The following PPP4R3A variants were observed in gnomAD, a reference collection of about 807,000 sequenced individuals.
PPP4R3A encodes the protein serine/threonine-protein phosphatase 4 regulatory subunit 3A.
PPP4R3A carries 15 observed loss-of-function variants against 91.7 expected under a neutral mutation model. The ratio of observed to expected loss-of-function variants is 0.16; its 90% confidence interval spans 0.11 to 0.25. The LOEUF is 0.25. Ranked by LOEUF, PPP4R3A falls within the 10% of genes least tolerant of loss-of-function variation. PPP4R3A has a pLI of 1.00. For missense variants in PPP4R3A, 623 were observed against 998.4 expected (o/e 0.62, Z 5.07); for synonymous variants, 377 against 348.7 (o/e 1.08, Z -0.91).
chr14:91,466,357 A>G (rs1364027745), intron 10 of PPP4R3A: 1 of 985,754 alleles, frequency 1.0e-6, no homozygotes, highest in Non-Finnish European at 1.2e-6. Flanking sequence ...TAAATTGCCA[A>G]TTTGCTATTA....
At chr14:91,461,126 G>C (rs913659834) in intron 14 of PPP4R3A, among the ~76,000 whole-genome samples, 1 of 152,092 alleles carries the variant, frequency 6.6e-6, no homozygotes, top group Non-Finnish European at 1.5e-5. Flanking sequence ...ATACAAATTT[G>C]AAGTTTCAGT....
At chr14:91,464,860 A>G (rs1468548160) in intron 11 of PPP4R3A, among the ~76,000 whole-genome samples, 1 of 152,216 alleles carries the variant, frequency 6.6e-6, no homozygotes. Flanking sequence ...GGGGGAGCAC[A>G]GTTTCAGGAT....
rs1306881341 is a variant in PPP4R3A, at chr14:91,509,962, C to T, written c.-315G>A. 3.0e-6 allele frequency: 3 copies of T among 1,013,006 alleles called. No individual in the cohort carries two copies. The highest frequency in any genetic ancestry group is 3.5e-6 in the Non-Finnish European group (3 of 847,950). 62.8% of individuals were successfully genotyped at this position (1,013,006 alleles called of 1,614,324 possible). ...GCCCCGCAGCGCTAGGAACTCGGGG[C>T]TCCCGTCACTGCCCTGCTCCCGCCT... On this transcript the variant is annotated 5_prime_UTR_variant, in exon 1 of 15. Transcript: ENST00000554943.
intron 1 of PPP4R3A, among the ~76,000 whole-genome samples, chr14:91,493,538 A>C (rs1890355948): frequency 6.7e-6 from 1 of 150,138 alleles, no homozygotes; most frequent in Admixed American, 6.6e-5. Context: ...TCATGCCTGT[A>C]ATCCCAGCAC....
chr14:91,510,411 CGGAGGCG>C (rs879394644), upstream of PPP4R3A: 1 of 152,736 alleles, frequency 6.5e-6, no homozygotes, highest in South Asian at 2.1e-4. Flanking sequence ...AGGCTTCCGA[CGGAGGCG>C]GGAGGCGGGC....
At chr14:91,507,465 AT>A (rs1232716688) in intron 1 of PPP4R3A, among the ~76,000 whole-genome samples, 9 of 132,320 alleles carry the variant, frequency 6.8e-5, no homozygotes, top group Admixed American at 5.5e-4. Context: ...ATATACTATA[AT>A]TATATATACT....
chr14:91,501,368 G>A (rs1231122228), intron 1 of PPP4R3A, among the ~76,000 whole-genome samples: 1 of 152,138 alleles, frequency 6.6e-6, no homozygotes, highest in Non-Finnish European at 1.5e-5. Flanking sequence ...AGAGTATATT[G>A]TCCTTATCAA....
At position 91,465,370 on chromosome 14, in the gene PPP4R3A, G is replaced by A. The variant is rs772415584; in HGVS notation, c.1710C>T (p.Tyr570=). The change falls in exon 11 of 15, where the codon TAC becomes TAT. Residue 570 remains tyrosine, a synonymous_variant. Transcript: ENST00000554943. ...RKIIGLKDEF[Y]NRYIMKSFLF... is the part of the protein sequence containing the mutation. ...AAAAACTTTTCATTATGTAGCGGTT[G>A]TAAAACTCATCTTTTAATCCAATAA... is the stretch of plus-strand genomic sequence containing the variant. 4.4e-6 allele frequency: 7 copies of A among 1,602,996 alleles called. No homozygotes were observed. Among genetic ancestry groups the A allele is most frequent in the Admixed American group, 1.8e-5 (1 of 56,488 alleles).
At chr14:91,482,219 C>CA (rs1595068125) in intron 3 of PPP4R3A, 26 bp from the exon 4 acceptor site, 3 of 1,559,224 alleles carry the variant, frequency 1.9e-6, no homozygotes, top group Non-Finnish European at 2.6e-6. Context: ...TAATTGCTGA[C>CA]AAAATAGATA....
At chr14:91,460,249 G>A (rs1378828908) in intron 14 of PPP4R3A, among the ~76,000 whole-genome samples, 2 of 151,982 alleles carry the variant, frequency 1.3e-5, no homozygotes, top group Admixed American at 6.6e-5. Flanking sequence ...TCCTGACCTC[G>A]TGACCCACCC....
chr14:91,495,215 A>G (rs923298383), intron 1 of PPP4R3A, among the ~76,000 whole-genome samples: 1 of 152,220 alleles, frequency 6.6e-6, no homozygotes, highest in Non-Finnish European at 1.5e-5. Context: ...GAGTAATGAA[A>G]ACCTAACACA....
chr14:91,492,886 T>C (rs1019720986), intron 1 of PPP4R3A, among the ~76,000 whole-genome samples: 20 of 152,232 alleles, frequency 1.3e-4, no homozygotes, highest in African/African-American at 4.1e-4. Context: ...TTCAGGATTT[T>C]ATTTTGGTTA....
chr14:91,509,749 G>C lies in PPP4R3A; in HGVS notation c.-102C>G, dbSNP rs918668776. 7.3e-7 allele frequency: 1 copy of C among 1,364,336 alleles called. No homozygotes were observed. Among genetic ancestry groups the C allele is most frequent in the South Asian group, 1.7e-5 (1 of 60,250 alleles). The allele number at this position is 1,364,336 out of a possible 1,614,324, so 84.5% of individuals were successfully genotyped here. A position where few individuals can be genotyped will look rare whatever the true frequency, so the allele number is the denominator to read the frequency against. The stretch of plus-strand genomic sequence containing the variant: ...GGCGTGAGGGCGCCCGCGAGCGGAG[G>C]GCTCCCCGGCCTCACTGCCGCCGCT... On this transcript the variant is annotated 5_prime_UTR_variant, in exon 1 of 15. Coordinates refer to ENST00000554943, the MANE Select transcript of PPP4R3A (RefSeq NM_001366432.2).
chr14:91,458,643 C>A lies in PPP4R3A; in HGVS notation c.*116G>T, dbSNP rs2140055014. ...ATGAGCAGAAGTCAAGTGTAAGAGGCTGATCTGTGTCAGTCATTCACAAGA... is the reference window on the plus strand; with the variant it reads ...ATGAGCAGAAGTCAAGTGTAAGAGGATGATCTGTGTCAGTCATTCACAAGA... On this transcript the variant is annotated 3_prime_UTR_variant, in exon 15 of 15. Transcript: ENST00000554943. 6.9e-7 allele frequency: 1 copy of A among 1,450,448 alleles called. No homozygotes were observed. The highest frequency in any genetic ancestry group is 2.3e-5 in the East Asian group (1 of 43,988). The allele number at this position is 1,450,448 out of a possible 1,614,324, so 89.8% of individuals were successfully genotyped here.
At chr14:91,473,865 G>A (rs139000356) in intron 7 of PPP4R3A, among the ~76,000 whole-genome samples, 84 of 152,298 alleles carry the variant, frequency 5.5e-4, no homozygotes, top group African/African-American at 1.9e-3. Context: ...CACCTCCCGG[G>A]TTCAAGCGAT....
chr14:91,465,215 A>T, intron 11 of PPP4R3A, 35 bp downstream of exon 11: 1 of 1,426,932 alleles, frequency 7.0e-7, no homozygotes, highest in Non-Finnish European at 9.3e-7. Flanking sequence ...TCAAACAATT[A>T]AAATGAAAAT....
intron 7 of PPP4R3A, 122 bp from the exon 8 acceptor site, chr14:91,473,492 A>G: frequency 2.0e-6 from 2 of 1,019,572 alleles, no homozygotes; most frequent in East Asian, 5.3e-5. Flanking sequence ...TGCAAAGTGA[A>G]ATGTTTAACT....
chr14:91,508,904 A>T (rs1277289168), intron 1 of PPP4R3A, among the ~76,000 whole-genome samples: 1 of 152,272 alleles, frequency 6.6e-6, no homozygotes, highest in Non-Finnish European at 1.5e-5. Flanking sequence ...ATTACTATAA[A>T]AAAGACAACC....
chr14:91,479,142 C>A (rs1419007756), intron 4 of PPP4R3A, among the ~76,000 whole-genome samples: 1 of 151,816 alleles, frequency 6.6e-6, no homozygotes, highest in Non-Finnish European at 1.5e-5. Flanking sequence ...ACCATCACGC[C>A]TGGCTAATTT....
Sources: allele counts gnomAD v4.1 joint callset (sites outside exome capture counted in the v4.1 genomes callset), GRCh38; gene constraint gnomAD v4.1.1; transcripts MANE v1.5; gene names NCBI Gene and HGNC (gene_info 2026-07-23, HGNC 2026-07-21).